Variants in SSU72 observed in about 807,000 individuals in gnomAD.
SSU72 encodes the protein SSU72 homolog, RNA polymerase II CTD phosphatase, also known as RNA polymerase II subunit A C-terminal domain phosphatase SSU72.
In SSU72, 12 loss-of-function variants were observed where a neutral mutation model predicts 22.7. The ratio of observed to expected loss-of-function variants is 0.53; its 90% CI spans 0.34 to 0.86. The LOEUF is 0.86. Among genes scored for constraint, SSU72 ranks in the 40% least tolerant of loss-of-function variants. The pLI is 0.02. For synonymous variants in SSU72, 116 were observed against 98.3 expected, an observed-to-expected ratio of 1.18 and a Z score of -1.06; for missense variants, 151 against 249.8, an observed-to-expected ratio of 0.60 and a Z score of 2.67.
chr1:1,562,844 C>G (rs1471395232), intron 2 of SSU72: 1 of 152,332 alleles, frequency 6.6e-6, no homozygotes, highest in Non-Finnish European at 1.5e-5. Flanking sequence ...GAGATTTTTC[C>G]AAACGCAGGT....
intron 2 of SSU72, among the ~76,000 whole-genome samples, chr1:1,560,567 A>G (rs1383274135): frequency 1.3e-5 from 2 of 152,258 alleles, no homozygotes; most frequent in African/African-American, 4.8e-5. Context: ...GTGGGGGAAA[A>G]GACCAAAATC....
At chr1:1,573,079 A>G (rs9439473) in intron 1 of SSU72, among the ~76,000 whole-genome samples, 77,062 of 150,266 alleles carry the variant, frequency 0.51, 23,961 homozygotes, top group East Asian at 0.87. Flanking sequence ...ACCTGAGGTC[A>G]GGAGTTTGAG....
chr1:1,573,967 T>C (rs912868938), intron 1 of SSU72, among the ~76,000 whole-genome samples: 1 of 151,634 alleles, frequency 6.6e-6, no homozygotes, highest in Admixed American at 6.6e-5. Context: ...GTCCACGTTG[T>C]ATTCCAGAAA....
At chr1:1,568,948 G>A (rs1040797966) in intron 1 of SSU72, among the ~76,000 whole-genome samples, 1 of 152,148 alleles carries the variant, frequency 6.6e-6, no homozygotes, top group African/African-American at 2.4e-5. Context: ...AAGGCAGGCA[G>A]ATCACCTGAG....
At position 1,554,296 on chromosome 1, in the gene SSU72, C is replaced by T. The variant is rs1368585870; in HGVS notation, c.225-9294G>A. Reference sequence around the variant, plus strand: ...CACGAAGCTGAGCACGAGACGGATCCGGACCACTCGGGGGTCCCCACGAAG... The same window carrying T: ...CACGAAGCTGAGCACGAGACGGATCTGGACCACTCGGGGGTCCCCACGAAG... On this transcript the variant is annotated intron_variant, in intron 2 of 4. Coordinates refer to ENST00000291386, the MANE Select transcript of SSU72 (RefSeq NM_014188.3). This position sits in a 1 kb window ranked among gnomAD's most constrained non-coding sequence, Gnocchi z 4.1. 1.3e-5 allele frequency among the ~76,000 whole-genome samples: 2 copies of T among 151,124 alleles called. No homozygotes were observed. The highest frequency in any genetic ancestry group is 4.9e-5 in the African/African-American group (2 of 40,960).
chr1:1,568,367 G>T (rs866928076), intron 1 of SSU72, among the ~76,000 whole-genome samples: 5 of 152,024 alleles, frequency 3.3e-5, no homozygotes, highest in Admixed American at 3.3e-4. Flanking sequence ...CCAAGCAGGT[G>T]GATCACTTCA....
chr1:1,554,945 T>A lies in SSU72; in HGVS notation c.224+9828A>T, dbSNP rs1474080534. 6.6e-6 allele frequency among the ~76,000 whole-genome samples: 1 copy of A among 152,006 alleles called. No homozygotes were observed. Among genetic ancestry groups the A allele is most frequent in the Non-Finnish European group, 1.5e-5 (1 of 67,992 alleles). On this transcript the variant is annotated intron_variant, in intron 2 of 4. Transcript: ENST00000291386. The surrounding 1 kb of genome is among the most constrained non-coding windows in gnomAD (Gnocchi z 4.1). ...TCCTTGACGTCAAGTCTCCTGAAGG[T>A]GTTGATGCTCCGTGGAAGCCTTGGT...
rs12408695 is a variant in SSU72 at position 1,554,350 on chromosome 1, G to A, written c.225-9348C>T. ...AGCATGAGGCGGATCCGGACCACTC[G>A]GGGGTCCCCACGAAGCTGAGCATGA... On this transcript the variant is annotated intron_variant, in intron 2 of 4. Coordinates refer to ENST00000291386, the MANE Select transcript of SSU72 (RefSeq NM_014188.3). This position sits in a 1 kb window ranked among gnomAD's most constrained non-coding sequence, Gnocchi z 4.1. 0.069 allele frequency among the ~76,000 whole-genome samples: 10,253 copies of A among 148,688 alleles called. 516 individuals carry two copies. The highest frequency in any genetic ancestry group is 0.17 in the Admixed American group (2,615 of 15,028).
rs1207134993 is a variant in SSU72 at position 1,574,595 on chromosome 1, T to G, written c.-38A>C. On this transcript the variant is annotated 5_prime_UTR_variant, in exon 1 of 5. Transcript: ENST00000291386. ...AAATCCCGCGGCTCTCCCGCTTGGG[T>G]TCCCACCCTACCGCGGCGCTTCCGC... The G allele has an allele frequency of 1.7e-5, 26 of 1,558,522 alleles. No individual in the cohort carries two copies. Among genetic ancestry groups the G allele is most frequent in the Non-Finnish European group, 1.9e-5 (22 of 1,154,340 alleles).
intron 2 of SSU72, 102 bp from the exon 3 acceptor site, chr1:1,545,104 G>A: frequency 2.1e-6 from 3 of 1,426,512 alleles, no homozygotes; most frequent in African/African-American, 1.4e-5. Context: ...CCCCACAGCA[G>A]AGGCAGCCGG....
At chr1:1,571,105 C>T (rs999435626) in intron 1 of SSU72, among the ~76,000 whole-genome samples, 6 of 151,966 alleles carry the variant, frequency 3.9e-5, no homozygotes, top group South Asian at 2.1e-4. Context: ...ATTAGCCGGG[C>T]GTGGTAGCGG....
In SSU72 at chr1:1,574,478, C is replaced by G; in HGVS notation, c.80G>C (p.Ser27Thr). The change falls in exon 1 of 5, where the codon AGC (serine) becomes ACC (threonine). Residue 27 changes from serine to threonine, a missense_variant and splice_region_variant. Coordinates refer to ENST00000291386, the MANE Select transcript of SSU72 (RefSeq NM_014188.3). ...NRSMEAHNIL[S>T]KRGFSVRSFG... ...CGGGGACAGGGTGGAGCCCAACTAC[C>G]TGAGGATGTTGTGCGCCTCCATGCT... 1 of 1,595,440 alleles carries G rather than the reference C, an allele frequency of 6.3e-7. No individual in the cohort carries two copies. Among genetic ancestry groups the G allele is most frequent in the East Asian group, 2.4e-5 (1 of 41,928 alleles).
intron 1 of SSU72, among the ~76,000 whole-genome samples, chr1:1,569,180 T>G (rs7552586): frequency 6.6e-6 from 1 of 151,124 alleles, no homozygotes; most frequent in East Asian, 1.9e-4. Flanking sequence ...TCTCAAAAAA[T>G]AAAATAAAAG....
rs116580437 is a variant in SSU72 at position 1,547,751 on chromosome 1, G to A, written c.225-2749C>T. Among the ~76,000 whole-genome samples, 6 of 152,158 alleles carry A rather than the reference G, an allele frequency of 3.9e-5. 1 individual carries two copies. Among genetic ancestry groups the A allele is most frequent in the South Asian group, 4.1e-4 (2 of 4,830 alleles). On this transcript the variant is annotated intron_variant, in intron 2 of 4. Transcript: ENST00000291386. ...GCCACGGGGAGGCTGAGCAGGTTTC[G>A]GGCCTGCGTGCGAGAGCCTGCTCTT...
chr1:1,554,859 G>A lies in SSU72; in HGVS notation c.225-9857C>T, dbSNP rs753148341. ...GCCGGCGCCAGCCCCACGTACCCCC[G>A]ACCACCTCAGCTCCTGGCCCTCAGC... On this transcript the variant is annotated intron_variant, in intron 2 of 4. Coordinates refer to ENST00000291386, the MANE Select transcript of SSU72 (RefSeq NM_014188.3). The surrounding 1 kb of genome is among the most constrained non-coding windows in gnomAD (Gnocchi z 4.1). 4.0e-5 allele frequency among the ~76,000 whole-genome samples: 6 copies of A among 151,866 alleles called. No individual in the cohort carries two copies. Among genetic ancestry groups the A allele is most frequent in the East Asian group, 3.9e-4 (2 of 5,178 alleles).
In SSU72 at chr1:1,564,691, C is replaced by A. The variant is rs538221515; in HGVS notation, c.224+82G>T. On this transcript the variant is annotated intron_variant, in intron 2 of 4. Coordinates refer to ENST00000291386, the MANE Select transcript of SSU72 (RefSeq NM_014188.3). The stretch of plus-strand genomic sequence containing the variant: ...AGTGTGTGCACTGCACAGGGTGACA[C>A]GCCTCCTGTGCCCGAGCCACACGTA... 7.1e-5 allele frequency: 115 copies of A among 1,614,086 alleles called. 2 individuals carry two copies. The South Asian group carries it at 1.2e-3, about 17-fold the overall frequency.
At chr1:1,550,783 C>T (rs963259000) in intron 2 of SSU72, among the ~76,000 whole-genome samples, 5 of 152,300 alleles carry the variant, frequency 3.3e-5, no homozygotes, top group East Asian at 1.9e-4. Flanking sequence ...GGACTGGTGC[C>T]GGCCGGAAGG....
At chr1:1,544,299 C>G (rs184657841) in intron 3 of SSU72, among the ~76,000 whole-genome samples, 311 of 152,144 alleles carry the variant, frequency 2.0e-3, no homozygotes, top group African/African-American at 7.0e-3. Flanking sequence ...CCTGCTCCAC[C>G]GCCAGCTCCA....
In SSU72 at chr1:1,547,609, G is replaced by A. The variant is rs2100706405; in HGVS notation, c.225-2607C>T. Among the ~76,000 whole-genome samples the A allele has an allele frequency of 1.3e-5, 2 of 152,338 alleles. 1 individual carries two copies. Among genetic ancestry groups the A allele is most frequent in the South Asian group, 4.1e-4 (2 of 4,828 alleles). On this transcript the variant is annotated intron_variant, in intron 2 of 4. Coordinates refer to ENST00000291386, the MANE Select transcript of SSU72 (RefSeq NM_014188.3). ...CTCACAGGGACGCAAGATCCCACCT[G>A]AATTCCGGCAGCAAAACCACGGTGC...
Sources: allele counts gnomAD v4.1 joint callset (sites outside exome capture counted in the v4.1 genomes callset), GRCh38; gene constraint gnomAD v4.1.1; non-coding constraint Gnocchi (gnomAD v3.1); transcripts MANE v1.5; gene names NCBI Gene and HGNC (gene_info 2026-07-23, HGNC 2026-07-21).